ZDHHC3: variants seen among roughly 807,000 people sequenced by gnomAD.
ZDHHC3 encodes the protein palmitoyltransferase ZDHHC3.
ZDHHC3 carries 9 observed loss-of-function variants against 30.6 expected under a neutral mutation model. That is an observed-to-expected ratio of 0.29 (90% CI 0.18 to 0.51). ZDHHC3 has a LOEUF of 0.51. Among genes scored for constraint, ZDHHC3 ranks in the 20% least tolerant of loss-of-function variants. The pLI, the probability that ZDHHC3 is intolerant of heterozygous loss-of-function variation, is 0.97. For synonymous variants in ZDHHC3, 136 were observed against 140.2 expected (o/e 0.97, Z 0.21); for missense variants, 246 against 384.2 (o/e 0.64, Z 3.01).
At position 44,959,375 on chromosome 3, in the gene ZDHHC3, G is replaced by C; in HGVS notation, c.62C>G (p.Pro21Arg). Residue 21 changes from proline (P) to arginine (R), a missense_variant, in exon 2 of 7, where the codon CCA (proline) becomes CGA (arginine). Coordinates refer to ENST00000424952, the MANE Select transcript of ZDHHC3 (RefSeq NM_001135179.2). The surrounding 1 kb of genome is among the most constrained non-coding windows in gnomAD (Gnocchi z 4.3). ...GTAGGGGGGTGGGACACACTTCTCT[G>C]GCTGGAGGTATTCTGGTTTCCGCTC... Reference protein sequence around the residue: ...NIERKPEYLQPEKCVPPPYPG... With the variant: ...NIERKPEYLQREKCVPPPYPG... The C allele has an allele frequency of 6.2e-7, 1 of 1,614,242 alleles. No individual in the cohort carries two copies. The highest frequency in any genetic ancestry group is 8.5e-7 in the Non-Finnish European group (1 of 1,180,044).
At chr3:44,954,111 G>A (rs1464041728) in intron 2 of ZDHHC3, among the ~76,000 whole-genome samples, 1 of 152,118 alleles carries the variant, frequency 6.6e-6, no homozygotes, top group Non-Finnish European at 1.5e-5. Flanking sequence ...ATGACTTTTG[G>A]CAGCTGAAAT....
chr3:44,920,035 G>A lies in ZDHHC3; in HGVS notation c.*6654C>T. On this transcript the variant is annotated 3_prime_UTR_variant, in exon 7 of 7. Transcript: ENST00000424952. ...ATGACATTAGAACATTTGTCTGAGT[G>A]GTTACTTTTGGGGATGGAATTCTAG... The A allele has an allele frequency of 8.5e-7, 1 of 1,176,334 alleles. No homozygotes were observed. The highest frequency in any genetic ancestry group is 1.1e-6 in the Non-Finnish European group (1 of 933,120). 72.9% of individuals were successfully genotyped at this position (1,176,334 alleles called of 1,614,324 possible).
Position 44,946,830 on chromosome 3 carries a change from G to A in ZDHHC3, c.307-1538C>T, listed in dbSNP as rs1337728630. Among the ~76,000 whole-genome samples, 4 of 152,274 alleles carry A rather than the reference G, an allele frequency of 2.6e-5. No individual in the cohort carries two copies. The South Asian group carries it at 6.2e-4, about 24-fold the overall frequency. ...AGCGGGGAGGCCGGACCGATGGGCC[G>A]GGGCCAGCCCATGTGGTGCGCTGAA... On this transcript the variant is annotated intron_variant, in intron 2 of 6. Coordinates refer to ENST00000424952, the MANE Select transcript of ZDHHC3 (RefSeq NM_001135179.2).
chr3:44,937,888 T>C, intron 3 of ZDHHC3: 1 of 485,308 alleles, frequency 2.1e-6, no homozygotes, highest in Admixed American at 2.1e-5. Flanking sequence ...TAGGCCCAGA[T>C]TGACATGGTA....
rs942390889 is a variant in ZDHHC3, at chr3:44,924,009, G to T, written c.*2680C>A. On this transcript the variant is annotated 3_prime_UTR_variant, in exon 7 of 7. Coordinates refer to ENST00000424952, the MANE Select transcript of ZDHHC3 (RefSeq NM_001135179.2). ...GAACACAAACCTGACAGAGTTGACA[G>T]AAGGAAAGCAAGCTGGGGATCACAA... 1.0e-6 allele frequency: 1 copy of T among 985,428 alleles called. No homozygotes were observed. Among genetic ancestry groups the T allele is most frequent in the Non-Finnish European group, 1.2e-6 (1 of 829,934 alleles). 61.0% of individuals were successfully genotyped at this position (985,428 alleles called of 1,614,324 possible).
intron 1 of ZDHHC3, among the ~76,000 whole-genome samples, chr3:44,964,187 A>G (rs1704728014): frequency 6.6e-6 from 1 of 152,266 alleles, no homozygotes; most frequent in South Asian, 2.1e-4. Context: ...TGACTAATGA[A>G]TAGCACAAAA....
At chr3:44,964,033 T>C (rs1704715326) in intron 1 of ZDHHC3, among the ~76,000 whole-genome samples, 1 of 152,216 alleles carries the variant, frequency 6.6e-6, no homozygotes, top group Non-Finnish European at 1.5e-5. Context: ...ACTAGTCTTA[T>C]TTGCTTTTTT....
intron 1 of ZDHHC3, among the ~76,000 whole-genome samples, chr3:44,962,620 A>T (rs1704584345): frequency 6.6e-6 from 1 of 152,116 alleles, no homozygotes; most frequent in African/African-American, 2.4e-5. Flanking sequence ...ATTTATTTAG[A>T]GTTATTACCA....
chr3:44,952,375 T>A (rs918218656), intron 2 of ZDHHC3, among the ~76,000 whole-genome samples: 1 of 152,144 alleles, frequency 6.6e-6, no homozygotes, highest in East Asian at 1.9e-4. Flanking sequence ...TATTAGAGCA[T>A]CTCCCAGGTC....
intron 2 of ZDHHC3, among the ~76,000 whole-genome samples, chr3:44,954,850 G>C (rs1467462147): frequency 6.6e-6 from 1 of 152,048 alleles, no homozygotes; most frequent in Non-Finnish European, 1.5e-5. Flanking sequence ...AGGGAGCTCA[G>C]AGAATGAGGA....
rs1402105402 is a variant in ZDHHC3, at chr3:44,924,180, CTT to C, written c.*2507_*2508del. 1 of 985,310 alleles carries C rather than the reference CTT, an allele frequency of 1.0e-6. No individual in the cohort carries two copies. The allele number at this position is 985,310 out of a possible 1,614,324, so 61.0% of individuals were successfully genotyped here. A position where few individuals can be genotyped will look rare whatever the true frequency, so the allele number is the denominator to read the frequency against. The stretch of plus-strand genomic sequence containing the variant: ...TGACCAAGCCAAAAGTTGGGGCTGA[CTT>C]TGTGTAGAAAGATGTCCTCTTTCAT... On this transcript the variant is annotated 3_prime_UTR_variant, in exon 7 of 7. Transcript: ENST00000424952.
At chr3:44,965,568 C>T (rs981086459) in intron 1 of ZDHHC3, among the ~76,000 whole-genome samples, 1 of 152,152 alleles carries the variant, frequency 6.6e-6, no homozygotes, top group Non-Finnish European at 1.5e-5. Flanking sequence ...CCAGCTACAT[C>T]ATTTGTTGAG....
At position 44,959,109 on chromosome 3, in the gene ZDHHC3, A is replaced by G; in HGVS notation, c.306+22T>C. On this transcript the variant is annotated intron_variant, in intron 2 of 6. Transcript: ENST00000424952. This position sits in a 1 kb window ranked among gnomAD's most constrained non-coding sequence, Gnocchi z 4.3. ...AGAGGAGGAGAGTGTGGGCTGGTCAAAACAAGCCCAGACATACTCACGGGG... is the reference window on the plus strand; with the variant it reads ...AGAGGAGGAGAGTGTGGGCTGGTCAGAACAAGCCCAGACATACTCACGGGG... 1 of 1,613,014 alleles carries G rather than the reference A, an allele frequency of 6.2e-7. No individual in the cohort carries two copies.
rs567552458 is a variant in ZDHHC3 at position 44,932,846 on chromosome 3, C to T, written c.610+272G>A. 5.9e-6 allele frequency: 9 copies of T among 1,538,076 alleles called. No homozygotes were observed. The South Asian group carries it at 7.8e-5, about 13-fold the overall frequency. On this transcript the variant is annotated intron_variant, in intron 5 of 6. Transcript: ENST00000424952. ...AACCGGCCTCTGTGCTTGCTTGGGG[C>T]CTGCATTCTCCCTGGGCACGCTCAG...
rs1700560956 is a variant in ZDHHC3 at position 44,921,142 on chromosome 3, AGGT to A, written c.*5544_*5546del. ...GGGTGTGTGATGGGCCTTTTGGCCC[AGGT>A]CAGTCTGGGTGACACATGAGCTGTG... On this transcript the variant is annotated 3_prime_UTR_variant, in exon 7 of 7. Transcript: ENST00000424952. The A allele has an allele frequency of 2.3e-5, 23 of 985,450 alleles. No homozygotes were observed. In the South Asian group the frequency reaches 1.1e-3, roughly 46 times the overall value. The allele number at this position is 985,450 out of a possible 1,614,324, so 61.0% of individuals were successfully genotyped here.
At position 44,924,273 on chromosome 3, in the gene ZDHHC3, C is replaced by T. The variant is rs115908188; in HGVS notation, c.*2416G>A. 0.018 allele frequency: 18,079 copies of T among 985,448 alleles called. 203 individuals carry two copies. Among genetic ancestry groups the T allele is most frequent in the Non-Finnish European group, 0.02 (16,401 of 829,932 alleles). 61.0% of individuals were successfully genotyped at this position (985,448 alleles called of 1,614,324 possible). On this transcript the variant is annotated 3_prime_UTR_variant, in exon 7 of 7. Coordinates refer to ENST00000424952, the MANE Select transcript of ZDHHC3 (RefSeq NM_001135179.2). ...CTTCCTGTCCTGTGTGGAAGCCAGGCTGGGAACCAATCACTACCCTGCAAA... is the reference window on the plus strand; with the variant it reads ...CTTCCTGTCCTGTGTGGAAGCCAGGTTGGGAACCAATCACTACCCTGCAAA...
chr3:44,932,645 A>C (rs971296981), intron 5 of ZDHHC3, among the ~76,000 whole-genome samples: 1 of 152,246 alleles, frequency 6.6e-6, no homozygotes, highest in Non-Finnish European at 1.5e-5. Context: ...TATCAGTGTA[A>C]GCAGTTAAAA....
intron 2 of ZDHHC3, among the ~76,000 whole-genome samples, chr3:44,952,293 C>A (rs189728056): frequency 1.0e-3 from 158 of 152,244 alleles, no homozygotes; most frequent in Non-Finnish European, 8.1e-4. Flanking sequence ...TCAGACTGTG[C>A]CTTGAATCCC....
Position 44,925,054 on chromosome 3 carries a change from C to G in ZDHHC3, c.*1635G>C. 1.0e-6 allele frequency: 1 copy of G among 985,788 alleles called. No homozygotes were observed. The highest frequency in any genetic ancestry group is 1.7e-5 in the African/African-American group (1 of 57,330). 61.1% of individuals were successfully genotyped at this position (985,788 alleles called of 1,614,324 possible). A position where few individuals can be genotyped will look rare whatever the true frequency, so the allele number is the denominator to read the frequency against. The stretch of plus-strand genomic sequence containing the variant: ...TTTTAAAACAAAAAAAATAAAGTAT[C>G]CTCATTCAAGAGACAGAGCAATGAA... On this transcript the variant is annotated 3_prime_UTR_variant, in exon 7 of 7. Coordinates refer to ENST00000424952, the MANE Select transcript of ZDHHC3 (RefSeq NM_001135179.2).
Sources: gnomAD v4.1 joint callset for allele counts (sites outside exome capture counted in the v4.1 genomes callset) on GRCh38, gnomAD v4.1.1 for gene constraint, Gnocchi (gnomAD v3.1) non-coding constraint, MANE v1.5 for transcripts, NCBI Gene and HGNC (gene_info 2026-07-23, HGNC 2026-07-21) for gene names.